The following RIOK3 variants were observed in gnomAD, a reference collection of about 807,000 sequenced individuals.
RIOK3 encodes RIO kinase 3, also known as serine/threonine-protein kinase RIO3.
RIOK3 carries 40 observed loss-of-function variants against 63.5 expected under a neutral mutation model. That is an observed-to-expected ratio of 0.63 (90% CI 0.49 to 0.82). The LOEUF (loss-of-function observed/expected upper bound fraction) is 0.82. Ranked by LOEUF, RIOK3 falls within the 40% of genes least tolerant of loss-of-function variation. The pLI, the probability that RIOK3 is intolerant of heterozygous loss-of-function variation, is 0.00. For synonymous variants in RIOK3, 193 were observed against 205.0 expected (o/e 0.94, Z 0.50); for missense variants, 557 against 637.0 (o/e 0.87, Z 1.35).
At chr18:23,453,769 A>T (rs1181600053) in intron 1 of RIOK3, among the ~76,000 whole-genome samples, 3 of 152,244 alleles carry the variant, frequency 2.0e-5, no homozygotes, top group Non-Finnish European at 4.4e-5. Context: ...TCACCGTAGC[A>T]TGTATTTGAG....
At chr18:23,453,762 C>T (rs1001168817) in intron 1 of RIOK3, among the ~76,000 whole-genome samples, 1 of 152,198 alleles carries the variant, frequency 6.6e-6, no homozygotes, top group Admixed American at 6.5e-5. Flanking sequence ...TTCTGTATCA[C>T]CGTAGCATGT....
chr18:23,479,460 C>A lies in RIOK3; in HGVS notation c.1452+36C>A. The A allele has an allele frequency of 2.3e-6, 3 of 1,280,350 alleles. No homozygotes were observed. The South Asian group carries it at 3.6e-5, about 15-fold the overall frequency. 79.3% of individuals were successfully genotyped at this position (1,280,350 alleles called of 1,614,324 possible). ...AACAGCTGTTTTTCACCTTGCTGGT[C>A]ATGCAGAACTGCATAGAGGAGATAA... On this transcript the variant is annotated intron_variant, in intron 12 of 12. Coordinates refer to ENST00000339486, the MANE Select transcript of RIOK3 (RefSeq NM_003831.5).
Position 23,453,308 on chromosome 18 carries a change from C to G in RIOK3, c.-132C>G. ...ATCCAGTTCCGGACGCGGCCGCCGC[C>G]GTCGCCGCCATCTGTCACCTCCACT... On this transcript the variant is annotated 5_prime_UTR_variant, in exon 1 of 13. Coordinates refer to ENST00000339486, the MANE Select transcript of RIOK3 (RefSeq NM_003831.5). The G allele has an allele frequency of 1.3e-6, 1 of 751,574 alleles. No homozygotes were observed. 46.6% of individuals were successfully genotyped at this position (751,574 alleles called of 1,614,324 possible).
At chr18:23,464,957 T>C (rs2145679648) in intron 5 of RIOK3, among the ~76,000 whole-genome samples, 1 of 152,276 alleles carries the variant, frequency 6.6e-6, no homozygotes, top group Admixed American at 6.5e-5. Context: ...ACGGTGGCGA[T>C]TGGGGAATAC....
chr18:23,466,063 G>GTTGTTT (rs895630478), intron 5 of RIOK3, 70 bp from the exon 6 acceptor site: 2 of 1,215,034 alleles, frequency 1.6e-6, no homozygotes, highest in Non-Finnish European at 2.3e-6. Context: ...ATCTCATTTG[G>GTTGTTT]TTGTTTTTGT....
chr18:23,479,715 T>C (rs1379836455), intron 12 of RIOK3, among the ~76,000 whole-genome samples: 1 of 152,112 alleles, frequency 6.6e-6, no homozygotes, highest in East Asian at 1.9e-4. Context: ...TAGCTGGGAT[T>C]ACAGGTGTGT....
intron 12 of RIOK3, 111 bp from the exon 13 acceptor site, chr18:23,481,061 C>A: frequency 1.4e-6 from 1 of 717,028 alleles, no homozygotes; most frequent in Non-Finnish European, 2.4e-6. Flanking sequence ...GCCTGGACGA[C>A]AGAGTGAGAC....
intron 12 of RIOK3, among the ~76,000 whole-genome samples, chr18:23,480,827 C>T (rs1376464698): frequency 6.6e-6 from 1 of 152,110 alleles, no homozygotes; most frequent in Non-Finnish European, 1.5e-5. Flanking sequence ...TGGCTCACGC[C>T]TGTAATCCTA....
chr18:23,463,843 G>T, intron 2 of RIOK3, 124 bp from the exon 3 acceptor site: 1 of 796,506 alleles, frequency 1.3e-6, no homozygotes, highest in Non-Finnish European at 2.0e-6. Context: ...AAGGTAAATG[G>T]TTTGATAGAG....
intron 8 of RIOK3, 80 bp from the exon 9 acceptor site, chr18:23,474,868 C>T: frequency 9.1e-7 from 1 of 1,097,858 alleles, no homozygotes; most frequent in East Asian, 2.4e-5. Context: ...ATTGCAGGCC[C>T]TGATTAGATA....
At chr18:23,461,287 ACACT>A (rs1354620816) in intron 1 of RIOK3, among the ~76,000 whole-genome samples, 1 of 152,238 alleles carries the variant, frequency 6.6e-6, no homozygotes, top group African/African-American at 2.4e-5. Flanking sequence ...TCTAAATTAG[ACACT>A]CAGTAGTAGT....
rs2057532698 is a variant in RIOK3, at chr18:23,481,285, A to G, written c.*6A>G. 6.6e-7 allele frequency: 1 copy of G among 1,508,610 alleles called. No homozygotes were observed. Among genetic ancestry groups the G allele is most frequent in the South Asian group, 1.2e-5 (1 of 84,898 alleles). 93.5% of individuals were successfully genotyped at this position (1,508,610 alleles called of 1,614,324 possible). On this transcript the variant is annotated 3_prime_UTR_variant, in exon 13 of 13. Transcript: ENST00000339486. ...CACTACTATATGATGAATAGCACTA[A>G]TACCCACTGCTTCAGTGTTAACACA...
chr18:23,460,018 A>G (rs575072562), intron 1 of RIOK3, among the ~76,000 whole-genome samples: 1 of 152,192 alleles, frequency 6.6e-6, no homozygotes, highest in Non-Finnish European at 1.5e-5. Context: ...TTGGCATATA[A>G]TTAGTGTTAC....
At position 23,477,222 on chromosome 18, in the gene RIOK3, C is replaced by T. The variant is rs146753472; in HGVS notation, c.1298C>T (p.Pro433Leu). The T allele has an allele frequency of 9.7e-5, 156 of 1,614,052 alleles. No homozygotes were observed. Among genetic ancestry groups the T allele is most frequent in the Non-Finnish European group, 1.3e-4 (150 of 1,180,016 alleles). ...DVSQSVEPTH[P>L]HGLEFLFRDC... Reference sequence around the variant, plus strand: ...AGTCAGTCAGTAGAACCTACCCACCCTCACGGCCTGGAGTTCTTGTTCCGG... The same window carrying T: ...AGTCAGTCAGTAGAACCTACCCACCTTCACGGCCTGGAGTTCTTGTTCCGG... Residue 433 changes from proline to leucine, a missense_variant, in exon 11 of 13, where the codon CCT becomes CTT. Transcript: ENST00000339486.
intron 6 of RIOK3, 27 bp downstream of exon 6, chr18:23,466,303 C>A: frequency 7.0e-7 from 1 of 1,437,340 alleles, no homozygotes; most frequent in Non-Finnish European, 9.3e-7. Flanking sequence ...TTTTTTTTTT[C>A]TTTTTTACTA....
intron 8 of RIOK3, 93 bp from the exon 9 acceptor site, chr18:23,474,855 C>G (rs1568386610): frequency 1.3e-5 from 12 of 920,276 alleles, no homozygotes; most frequent in Non-Finnish European, 1.8e-5. Flanking sequence ...ATAGTGCCAG[C>G]TCATTGCAGG....
chr18:23,464,636 A>G lies in RIOK3; in HGVS notation c.543+8A>G. ...ACAGCAAGAATGGAAAATGTAAGTT[A>G]CAGAAAGTATCTATCTCTGAATTTA... On this transcript the variant is annotated splice_region_variant and intron_variant, in intron 5 of 12. Transcript: ENST00000339486. The G allele has an allele frequency of 6.6e-7, 1 of 1,518,588 alleles. No homozygotes were observed. Among genetic ancestry groups the G allele is most frequent in the African/African-American group, 1.4e-5 (1 of 71,858 alleles). The allele number at this position is 1,518,588 out of a possible 1,614,324, so 94.1% of individuals were successfully genotyped here.
chr18:23,469,632 T>C (rs2057442670), intron 7 of RIOK3, among the ~76,000 whole-genome samples: 1 of 151,214 alleles, frequency 6.6e-6, no homozygotes, highest in Non-Finnish European at 1.5e-5. Flanking sequence ...GGATTACAGG[T>C]ACACACTACC....
Position 23,466,234 on chromosome 18 carries a change from T to C in RIOK3, c.645T>C (p.Arg215=), listed in dbSNP as rs2057406662. The change falls in exon 6 of 13, where the codon CGT becomes CGC. Residue 215 remains arginine, a synonymous_variant. Coordinates refer to ENST00000339486, the MANE Select transcript of RIOK3 (RefSeq NM_003831.5). The part of the protein sequence containing the change: ...ALKQHAYSEE[R]RSARLHEKKE... ...AACAACATGCCTACTCAGAAGAACGTCGAAGTGCCCGCCTACATGAGAAAA... is the reference window on the plus strand; with the variant it reads ...AACAACATGCCTACTCAGAAGAACGCCGAAGTGCCCGCCTACATGAGAAAA... 6.2e-7 allele frequency: 1 copy of C among 1,612,594 alleles called. No individual in the cohort carries two copies. The highest frequency in any genetic ancestry group is 8.5e-7 in the Non-Finnish European group (1 of 1,179,334).
Sources: allele counts gnomAD v4.1 joint callset (sites outside exome capture counted in the v4.1 genomes callset), GRCh38; gene constraint gnomAD v4.1.1; transcripts MANE v1.5; gene names NCBI Gene and HGNC (gene_info 2026-07-23, HGNC 2026-07-21).